Variants in PPP1R3A observed in about 807,000 individuals in gnomAD.
The protein encoded by PPP1R3A is protein phosphatase 1 regulatory subunit 3A.
Under a neutral mutation model 41.7 loss-of-function variants are expected in PPP1R3A, and 29 were observed. The ratio of observed to expected loss-of-function variants is 0.70; its 90% CI spans 0.52 to 0.95. The LOEUF is 0.95. Ranked by LOEUF, PPP1R3A falls within the 40% of genes least tolerant of loss-of-function variation. The pLI, the probability that PPP1R3A is intolerant of heterozygous loss-of-function variation, is 0.00. For synonymous variants in PPP1R3A, 485 were observed against 453.4 expected, an observed-to-expected ratio of 1.07 and a Z score of -0.89; for missense variants, 1,352 against 1,292.4, an observed-to-expected ratio of 1.05 and a Z score of -0.71.
In PPP1R3A at chr7:113,879,047, C is replaced by T. The variant is rs1796630651; in HGVS notation, c.2045G>A (p.Cys682Tyr). ...ITEHIKGQTD[C>Y]EDVWGKRDNT... ...ATCTCTTTTTCCCCACACGTCTTCA[C>T]AATCTGTTTGTCCTTTGATATGCTC... The change falls in exon 4 of 4, where the codon TGT becomes TAT. Residue 682 changes from cysteine to tyrosine, a missense_variant. By Grantham distance (194) the Cys-to-Tyr change is radical (BLOSUM62 -2). Coordinates refer to ENST00000284601, the MANE Select transcript of PPP1R3A (RefSeq NM_002711.4). 1 of 1,613,678 alleles carries T rather than the reference C, an allele frequency of 6.2e-7. No homozygotes were observed. The highest frequency in any genetic ancestry group is 8.5e-7 in the Non-Finnish European group (1 of 1,179,786).
At chr7:113,884,931 G>A (rs571349595) in intron 1 of PPP1R3A, among the ~76,000 whole-genome samples, 2 of 151,972 alleles carry the variant, frequency 1.3e-5, no homozygotes, top group African/African-American at 2.4e-5. Flanking sequence ...ATAATGGGAC[G>A]GTCAGCATTA....
intron 1 of PPP1R3A, among the ~76,000 whole-genome samples, chr7:113,905,798 C>T (rs886655923): frequency 4.0e-5 from 6 of 151,688 alleles, no homozygotes; most frequent in Non-Finnish European, 5.9e-5. Flanking sequence ...ACCACATAAG[C>T]GTCAGCACTA....
intron 3 of PPP1R3A, among the ~76,000 whole-genome samples, chr7:113,881,499 A>G (rs1191391851): frequency 6.6e-6 from 1 of 151,520 alleles, no homozygotes; most frequent in Non-Finnish European, 1.5e-5. Flanking sequence ...ACTAAGTTGT[A>G]TAGTACTGAA....
chr7:113,879,905 G>A lies in PPP1R3A; in HGVS notation c.1187C>T (p.Ser396Leu). 2 of 1,613,510 alleles carry A rather than the reference G, an allele frequency of 1.2e-6. No homozygotes were observed. Residue 396 changes from serine to leucine, a missense_variant, in exon 4 of 4, where the codon TCA (serine) becomes TTA (leucine). Coordinates refer to ENST00000284601, the MANE Select transcript of PPP1R3A (RefSeq NM_002711.4). The stretch of plus-strand genomic sequence containing the variant: ...AGGTTGATGTGTACAGTCATCTCCT[G>A]AGGAATATTTTTCATTGCAGTAAAA... ...GDFYCNEKYS[S>L]GDDCTHQPSE...
intron 1 of PPP1R3A, among the ~76,000 whole-genome samples, chr7:113,892,784 T>C (rs866739813): frequency 2.0e-5 from 3 of 152,052 alleles, no homozygotes; most frequent in Non-Finnish European, 4.4e-5. Flanking sequence ...TAACAGGCAT[T>C]GAAAGAAGCA....
chr7:113,888,552 A>G (rs1796827271), intron 1 of PPP1R3A, among the ~76,000 whole-genome samples: 3 of 152,124 alleles, frequency 2.0e-5, no homozygotes. Context: ...AGGCAAAGAC[A>G]GTTAACTGAG....
At chr7:113,887,234 C>A (rs895358617) in intron 1 of PPP1R3A, among the ~76,000 whole-genome samples, 7 of 151,766 alleles carry the variant, frequency 4.6e-5, no homozygotes, top group Non-Finnish European at 8.8e-5. Context: ...AAGATTTAAG[C>A]ATAATTTTAA....
At chr7:113,889,197 T>C (rs1168114594) in intron 1 of PPP1R3A, among the ~76,000 whole-genome samples, 1 of 152,146 alleles carries the variant, frequency 6.6e-6, no homozygotes, top group Admixed American at 6.6e-5. Flanking sequence ...TGCTCCTCCT[T>C]AGATGATAGA....
chr7:113,892,485 TAAC>T (rs1796908793), intron 1 of PPP1R3A, among the ~76,000 whole-genome samples: 1 of 152,070 alleles, frequency 6.6e-6, no homozygotes, highest in Non-Finnish European at 1.5e-5. Flanking sequence ...GACTTATACT[TAAC>T]AATAGGCAAA....
Position 113,878,885 on chromosome 7 carries a change from G to A in PPP1R3A, c.2207C>T (p.Thr736Ile). 6.2e-7 allele frequency: 1 copy of A among 1,612,892 alleles called. No individual in the cohort carries two copies. ...CATGCTTTCTGGAGTACTTTCTGAT[G>A]TTGTCTTAATTATATAGGCTGTACC... is the stretch of plus-strand genomic sequence containing the variant. Reference protein sequence around the residue: ...EAGTAYIIKTTSESTPESMSA... With the variant: ...EAGTAYIIKTISESTPESMSA... The change falls in exon 4 of 4, where the codon ACA becomes ATA. Residue 736 changes from threonine (T) to isoleucine (I), a missense_variant. Thr to Ile is a moderately conservative substitution (Grantham distance 89). Transcript: ENST00000284601.
intron 1 of PPP1R3A, among the ~76,000 whole-genome samples, chr7:113,887,206 T>C (rs1189465002): frequency 6.6e-6 from 1 of 152,116 alleles, no homozygotes; most frequent in East Asian, 1.9e-4. Context: ...TTTTCAATTA[T>C]GGAGTCAATA....
chr7:113,917,151 G>A (rs1584423499), intron 1 of PPP1R3A, among the ~76,000 whole-genome samples: 1 of 152,086 alleles, frequency 6.6e-6, no homozygotes, highest in Non-Finnish European at 1.5e-5. Flanking sequence ...AAATCTGGGT[G>A]TCTTGATTCC....
In PPP1R3A at chr7:113,877,533, G is replaced by T; in HGVS notation, c.*190C>A. 1 of 538,736 alleles carries T rather than the reference G, an allele frequency of 1.9e-6. No homozygotes were observed. Among genetic ancestry groups the T allele is most frequent in the Non-Finnish European group, 3.1e-6 (1 of 325,516 alleles). The allele number at this position is 538,736 out of a possible 1,614,324, so 33.4% of individuals were successfully genotyped here. A position where few individuals can be genotyped will look rare whatever the true frequency, so the allele number is the denominator to read the frequency against. On this transcript the variant is annotated 3_prime_UTR_variant, in exon 4 of 4. Transcript: ENST00000284601. Reference sequence around the variant, plus strand: ...TCTCATATTCATATAGGTATTTAATGATCCAAACATAATGGTCCTATATAG... The same window carrying T: ...TCTCATATTCATATAGGTATTTAATTATCCAAACATAATGGTCCTATATAG...
At chr7:113,898,091 A>T (rs1797005228) in intron 1 of PPP1R3A, among the ~76,000 whole-genome samples, 1 of 151,742 alleles carries the variant, frequency 6.6e-6, no homozygotes, top group African/African-American at 2.4e-5. Context: ...TATGATACCA[A>T]TTCAGAGTAA....
chr7:113,878,561 GATGTT>G lies in PPP1R3A; in HGVS notation c.2526_2530del (p.Thr843CysfsTer39), dbSNP rs1178822589. On this transcript the variant is annotated frameshift_variant, in exon 4 of 4. Coordinates refer to ENST00000284601, the MANE Select transcript of PPP1R3A (RefSeq NM_002711.4). LOFTEE classifies it low-confidence loss of function (END_TRUNC). The stretch of plus-strand genomic sequence containing the variant: ...AATGACCCATGAGGATTCTTCCACA[GATGTT>G]ATATTTCCAGTGCCACATTTCTCCC... 19 of 1,613,474 alleles carry G rather than the reference GATGTT, an allele frequency of 1.2e-5. No homozygotes were observed. The highest frequency in any genetic ancestry group is 1.7e-5 in the Admixed American group (1 of 59,932).
In PPP1R3A at chr7:113,879,745, G is replaced by A. The variant is rs964668832; in HGVS notation, c.1347C>T (p.Gly449=). 6.2e-7 allele frequency: 1 copy of A among 1,613,218 alleles called. No homozygotes were observed. The highest frequency in any genetic ancestry group is 8.5e-7 in the Non-Finnish European group (1 of 1,179,662). The change falls in exon 4 of 4, where the codon GGC becomes GGT. Residue 449 remains glycine (G), a synonymous_variant. Transcript: ENST00000284601. ...AAGAGGGGCAAGGTATTTGCACTGT[G>A]CCATTGCCATGGGCTGGATTAGCAT... ...DDNANPAHGN[G]TVQIPCPSSD... is the part of the protein sequence containing the mutation.
In PPP1R3A at chr7:113,880,138, AAAC is replaced by A. The variant is rs1796664852; in HGVS notation, c.967-16_967-14del. ...AGTGTTGATTTATCTTATGGGATAA[AAAC>A]AACAAAGAAATAATGACCATAAGAT... On this transcript the variant is annotated splice_polypyrimidine_tract_variant and intron_variant, in intron 3 of 3. Coordinates refer to ENST00000284601, the MANE Select transcript of PPP1R3A (RefSeq NM_002711.4). 6.4e-7 allele frequency: 1 copy of A among 1,572,294 alleles called. No individual in the cohort carries two copies. The highest frequency in any genetic ancestry group is 1.4e-5 in the African/African-American group (1 of 73,816).
intron 1 of PPP1R3A, among the ~76,000 whole-genome samples, chr7:113,904,270 A>G (rs1453163084): frequency 1.3e-5 from 2 of 151,636 alleles, no homozygotes; most frequent in East Asian, 3.9e-4. Context: ...TCCCAAACCC[A>G]GCTTCGCCTG....
rs1796586288 is a variant in PPP1R3A, at chr7:113,877,496, A to G, written c.*227T>C. ...AACAGCTGTACCTAATTTCAACTTG[A>G]CGTGCTTCAGATCTCATATTCATAT... On this transcript the variant is annotated 3_prime_UTR_variant, in exon 4 of 4. Coordinates refer to ENST00000284601, the MANE Select transcript of PPP1R3A (RefSeq NM_002711.4). 1 of 408,658 alleles carries G rather than the reference A, an allele frequency of 2.4e-6. No homozygotes were observed. 25.3% of individuals were successfully genotyped at this position (408,658 alleles called of 1,614,324 possible).
Sources: allele counts gnomAD v4.1 joint callset (sites outside exome capture counted in the v4.1 genomes callset), GRCh38; gene constraint gnomAD v4.1.1; transcripts MANE v1.5; gene names NCBI Gene and HGNC (gene_info 2026-07-23, HGNC 2026-07-21).